SLIT2: variants seen among roughly 807,000 people sequenced by gnomAD.
SLIT2 encodes the protein slit guidance ligand 2.
Under a neutral mutation model 185.7 loss-of-function variants are expected in SLIT2, and 41 were observed. The observed-to-expected ratio is 0.22, with a 90% confidence interval of 0.17 to 0.29. The LOEUF (loss-of-function observed/expected upper bound fraction) is 0.29. Among genes scored for constraint, SLIT2 ranks in the 10% least tolerant of loss-of-function variants. The pLI is 1.00. For synonymous variants in SLIT2, 693 were observed against 680.2 expected, an observed-to-expected ratio of 1.02 and a Z score of -0.29; for missense variants, 1,571 against 1,909.0, an observed-to-expected ratio of 0.82 and a Z score of 3.30.
chr4:20,585,423 C>T (rs1386567041), intron 29 of SLIT2, among the ~76,000 whole-genome samples: 1 of 152,166 alleles, frequency 6.6e-6, no homozygotes, highest in Non-Finnish European at 1.5e-5. Context: ...GACTGTGTTC[C>T]ACACTATTGG....
intron 4 of SLIT2, among the ~76,000 whole-genome samples, chr4:20,274,517 G>A (rs190592541): frequency 1.0e-3 from 155 of 152,152 alleles, no homozygotes; most frequent in African/African-American, 3.5e-3. Context: ...TGATTTAAAC[G>A]TCCTAAATCC....
chr4:20,277,965 T>G (rs371976554), intron 4 of SLIT2, among the ~76,000 whole-genome samples: 1 of 152,080 alleles, frequency 6.6e-6, no homozygotes, highest in African/African-American at 2.4e-5. Flanking sequence ...TAATGTGTAC[T>G]GTCAAGAGTA....
intron 4 of SLIT2, among the ~76,000 whole-genome samples, chr4:20,320,062 T>C (rs1382275193): frequency 7.9e-5 from 12 of 152,156 alleles, no homozygotes; most frequent in Non-Finnish European, 1.5e-4. Flanking sequence ...CTGTACAGTG[T>C]AGTCAGTTTA....
Position 20,528,960 on chromosome 4 carries a change from T to A in SLIT2, c.1474T>A (p.Tyr492Asn), listed in dbSNP as rs1400682211. The change falls in exon 16 of 37, where the codon TAT (tyrosine) becomes AAT (asparagine). Residue 492 changes from tyrosine (Y) to asparagine (N), a missense_variant. This residue lies in a region of SLIT2 where 1,202 missense variants were observed against 1,416.4 expected (regional missense o/e 0.85). Coordinates refer to ENST00000504154, the MANE Select transcript of SLIT2 (RefSeq NM_004787.4). This position sits in a 1 kb window ranked among gnomAD's most constrained non-coding sequence, Gnocchi z 4.2. ...EQYFIPGTED[Y>N]RSKLSGDCFA... ...TGAATTCTCAATAGGTACAGAAGAT[T>A]ATCGATCAAAATTAAGTGGAGACTG... 2 of 1,613,676 alleles carry A rather than the reference T, an allele frequency of 1.2e-6. No homozygotes were observed. Among genetic ancestry groups the A allele is most frequent in the Admixed American group, 3.3e-5 (2 of 59,948 alleles).
chr4:20,554,640 A>G (rs1192174573), intron 26 of SLIT2, among the ~76,000 whole-genome samples: 1 of 152,166 alleles, frequency 6.6e-6, no homozygotes, highest in Non-Finnish European at 1.5e-5. Flanking sequence ...ACGACTACTA[A>G]AGTTATTGTG....
chr4:20,256,032 C>A lies in SLIT2; in HGVS notation c.180-640C>A, dbSNP rs535262776. On this transcript the variant is annotated intron_variant, in intron 1 of 36. Coordinates refer to ENST00000504154, the MANE Select transcript of SLIT2 (RefSeq NM_004787.4). ...AAATGTCAGGGCCTGAATACTATTT[C>A]CATTCTTGCCCCTGTTAGTAGTTTT... Among the ~76,000 whole-genome samples the A allele has an allele frequency of 5.9e-5, 9 of 152,298 alleles. No homozygotes were observed. The South Asian group carries it at 1.9e-3, about 32-fold the overall frequency.
chr4:20,567,803 C>T (rs1725231116), intron 28 of SLIT2, among the ~76,000 whole-genome samples, 188 bp downstream of exon 28: 1 of 152,096 alleles, frequency 6.6e-6, no homozygotes, highest in Admixed American at 6.6e-5. Context: ...ACAGCATTCT[C>T]AGCACAGGAT....
chr4:20,308,190 A>G (rs1178753068), intron 4 of SLIT2, among the ~76,000 whole-genome samples: 3 of 152,168 alleles, frequency 2.0e-5, no homozygotes, highest in Non-Finnish European at 2.9e-5. Context: ...TTCACCAGGT[A>G]GAGATGCTAG....
intron 9 of SLIT2, among the ~76,000 whole-genome samples, chr4:20,502,717 A>G (rs1483690007): frequency 1.3e-5 from 2 of 152,188 alleles, no homozygotes; most frequent in African/African-American, 2.4e-5. Flanking sequence ...TGCAGTTGTT[A>G]GAATATAAAG....
chr4:20,253,503 G>A lies in SLIT2; in HGVS notation c.-313G>A, dbSNP rs1722199988. 2.7e-6 allele frequency: 1 copy of A among 372,782 alleles called. No homozygotes were observed. Among genetic ancestry groups the A allele is most frequent in the Non-Finnish European group, 4.9e-6 (1 of 205,586 alleles). The allele number at this position is 372,782 out of a possible 1,614,324, so 23.1% of individuals were successfully genotyped here. ...TTTACCGCCAAGTTCATCCTTGGGA[G>A]ACAGAAGACGCGTGATCTCCTCTCC... On this transcript the variant is annotated 5_prime_UTR_variant, in exon 1 of 37. Transcript: ENST00000504154.
chr4:20,446,484 G>A (rs1711817461), intron 4 of SLIT2, among the ~76,000 whole-genome samples: 1 of 152,214 alleles, frequency 6.6e-6, no homozygotes, highest in Admixed American at 6.5e-5. Flanking sequence ...ATTGTATCCA[G>A]ATTTTCTAGT....
At position 20,538,860 on chromosome 4, in the gene SLIT2, C is replaced by T. The variant is rs183282491; in HGVS notation, c.1833-581C>T. Among the ~76,000 whole-genome samples the T allele has an allele frequency of 2.1e-4, 32 of 151,446 alleles. 1 individual carries two copies. Among genetic ancestry groups the T allele is most frequent in the Admixed American group, 1.5e-3 (23 of 15,208 alleles). On this transcript the variant is annotated intron_variant, in intron 18 of 36. Coordinates refer to ENST00000504154, the MANE Select transcript of SLIT2 (RefSeq NM_004787.4). ...TGGATATGGGATCTGTTACCGTTGCCTCTTTTTAAGTTCTCAATTTAAAAC... is the reference window on the plus strand; with the variant it reads ...TGGATATGGGATCTGTTACCGTTGCTTCTTTTTAAGTTCTCAATTTAAAAC...
chr4:20,298,473 T>C (rs1196992802), intron 4 of SLIT2, among the ~76,000 whole-genome samples: 5 of 152,332 alleles, frequency 3.3e-5, no homozygotes, highest in Non-Finnish European at 2.9e-5. Context: ...CCTTTTCTTT[T>C]GTGCCTCTTA....
intron 4 of SLIT2, among the ~76,000 whole-genome samples, chr4:20,344,652 C>T (rs1302408158): frequency 6.6e-6 from 1 of 152,166 alleles, no homozygotes; most frequent in African/African-American, 2.4e-5. Context: ...CTGTCTCCCT[C>T]ATTGATATCC....
In SLIT2 at chr4:20,254,953, C is replaced by T. The variant is rs1382927739; in HGVS notation, c.179+959C>T. ...TCTCTAATGAAGAAGTAAATGCAGA[C>T]CCGGTGTTGACGGCCCACGCGCTCC... On this transcript the variant is annotated intron_variant, in intron 1 of 36. Transcript: ENST00000504154. The surrounding 1 kb of genome is among the most constrained non-coding windows in gnomAD (Gnocchi z 5.1). 1 of 456,192 alleles carries T rather than the reference C, an allele frequency of 2.2e-6. No homozygotes were observed. 28.3% of individuals were successfully genotyped at this position (456,192 alleles called of 1,614,324 possible).
chr4:20,434,642 C>T (rs1274882351), intron 4 of SLIT2, among the ~76,000 whole-genome samples: 1 of 152,064 alleles, frequency 6.6e-6, no homozygotes, highest in East Asian at 1.9e-4. Flanking sequence ...AAAGTATTTT[C>T]AGTAAATGGT....
chr4:20,474,931 A>G (rs560895358), intron 5 of SLIT2, among the ~76,000 whole-genome samples: 2 of 151,858 alleles, frequency 1.3e-5, no homozygotes, highest in Admixed American at 6.6e-5. Flanking sequence ...TGCCAGTTCT[A>G]TAGTGTCTAT....
intron 5 of SLIT2, among the ~76,000 whole-genome samples, chr4:20,472,007 T>C (rs1477545183): frequency 6.6e-6 from 1 of 151,748 alleles, no homozygotes; most frequent in East Asian, 1.9e-4. Flanking sequence ...CAATGAGATA[T>C]GCTGTGAGAA....
At chr4:20,326,746 CTTTTTTT>C (rs59509608) in intron 4 of SLIT2, among the ~76,000 whole-genome samples, 5 of 54,728 alleles carry the variant, frequency 9.1e-5, no homozygotes, top group South Asian at 1.1e-3. Flanking sequence ...ATTCTGAAAC[CTTTTTTT>C]TTTTTTTTTT....
Sources: gnomAD v4.1 joint callset for allele counts (sites outside exome capture counted in the v4.1 genomes callset) on GRCh38, gnomAD v4.1.1 for gene constraint, gnomAD v4.1.1 regional missense constraint, Gnocchi (gnomAD v3.1) non-coding constraint, MANE v1.5 for transcripts, NCBI Gene and HGNC (gene_info 2026-07-23, HGNC 2026-07-21) for gene names.